The following SOX6 variants were observed in gnomAD, a reference collection of about 807,000 sequenced individuals.
The protein encoded by SOX6 is transcription factor SOX-6.
SOX6 carries 11 observed loss-of-function variants against 97.8 expected under a neutral mutation model. The ratio of observed to expected loss-of-function variants is 0.11; its 90% CI spans 0.07 to 0.19. The LOEUF (loss-of-function observed/expected upper bound fraction) is 0.19. SOX6 is among the 10% of genes least tolerant of loss of function. The pLI is 1.00. For synonymous variants in SOX6, 360 were observed against 371.4 expected (o/e 0.97, Z 0.35); for missense variants, 810 against 1,039.5 (o/e 0.78, Z 3.04).
chr11:16,140,046 C>T (rs996861854), intron 6 of SOX6, among the ~76,000 whole-genome samples: 1 of 151,034 alleles, frequency 6.6e-6, no homozygotes, highest in African/African-American at 2.4e-5. Context: ...TGTATATGCA[C>T]ACACACATAC....
intron 3 of SOX6, among the ~76,000 whole-genome samples, chr11:16,709,193 C>T (rs903440077): frequency 2.6e-5 from 4 of 152,070 alleles, no homozygotes; most frequent in Non-Finnish European, 5.9e-5. Context: ...CTCATGATAG[C>T]GAGTTCTCAT....
chr11:16,439,533 A>C (rs1050929585), intron 1 of SOX6, among the ~76,000 whole-genome samples: 2 of 152,202 alleles, frequency 1.3e-5, no homozygotes, highest in African/African-American at 4.8e-5. Context: ...TCCTCTAAAG[A>C]ATACTATATA....
At chr11:16,362,815 C>T (rs918356632) in intron 1 of SOX6, among the ~76,000 whole-genome samples, 1 of 152,106 alleles carries the variant, frequency 6.6e-6, no homozygotes, top group Non-Finnish European at 1.5e-5. Flanking sequence ...AGAACCAGAA[C>T]ATAGAATTTT....
chr11:16,401,136 A>G (rs1858547227), intron 1 of SOX6, among the ~76,000 whole-genome samples: 1 of 151,572 alleles, frequency 6.6e-6, no homozygotes, highest in African/African-American at 2.4e-5. Context: ...AAATACAAAA[A>G]CTAGGAAAAA....
chr11:16,402,289 G>T (rs1371963511), intron 1 of SOX6, among the ~76,000 whole-genome samples: 2 of 151,592 alleles, frequency 1.3e-5, no homozygotes, highest in African/African-American at 2.4e-5. Context: ...TTCAGTGATG[G>T]AACTCATAGA....
chr11:16,422,814 T>C (rs2133066653), intron 1 of SOX6, among the ~76,000 whole-genome samples: 1 of 152,256 alleles, frequency 6.6e-6, no homozygotes, highest in South Asian at 2.1e-4. Flanking sequence ...TCAAAAAACC[T>C]TTATTTTTTT....
At chr11:16,033,566 G>A (rs992825065) in intron 12 of SOX6, among the ~76,000 whole-genome samples, 1 of 152,104 alleles carries the variant, frequency 6.6e-6, no homozygotes, top group African/African-American at 2.4e-5. Flanking sequence ...CCTTGAAGGA[G>A]TATTATTAAG....
intron 1 of SOX6, among the ~76,000 whole-genome samples, chr11:16,448,603 T>C (rs1316628746): frequency 1.3e-5 from 2 of 152,322 alleles, no homozygotes; most frequent in East Asian, 1.9e-4. Flanking sequence ...TCTTAATAGA[T>C]ATAATGTAAT....
At chr11:16,256,381 G>T (rs1375845123) in intron 3 of SOX6, among the ~76,000 whole-genome samples, 2 of 151,922 alleles carry the variant, frequency 1.3e-5, no homozygotes, top group Non-Finnish European at 2.9e-5. Flanking sequence ...TCCCAGTTAT[G>T]CTAGGCTGGC....
At chr11:16,617,486 C>T (rs1035632085) in intron 3 of SOX6, among the ~76,000 whole-genome samples, 1 of 151,824 alleles carries the variant, frequency 6.6e-6, no homozygotes, top group Non-Finnish European at 1.5e-5. Flanking sequence ...TAACTATGTT[C>T]ACTAGAATTA....
intron 3 of SOX6, among the ~76,000 whole-genome samples, chr11:16,694,169 A>G (rs1429934883): frequency 1.3e-5 from 2 of 152,236 alleles, no homozygotes; most frequent in Non-Finnish European, 2.9e-5. Context: ...ACAAGGATTT[A>G]GTATGTAAGG....
intron 3 of SOX6, among the ~76,000 whole-genome samples, chr11:16,634,709 G>A (rs1848759001): frequency 6.6e-6 from 1 of 151,948 alleles, no homozygotes; most frequent in Non-Finnish European, 1.5e-5. Flanking sequence ...GTTTTCCATT[G>A]TAATGTTTAA....
At chr11:16,112,607 A>G (rs1052252534) in intron 6 of SOX6, among the ~76,000 whole-genome samples, 1 of 152,206 alleles carries the variant, frequency 6.6e-6, no homozygotes, top group Non-Finnish European at 1.5e-5. Flanking sequence ...ACATTTCATA[A>G]TAAATCCTAC....
intron 1 of SOX6, among the ~76,000 whole-genome samples, chr11:16,402,289 G>A (rs1371963511): frequency 7.7e-4 from 116 of 151,592 alleles, no homozygotes; most frequent in Non-Finnish European, 1.0e-4. Flanking sequence ...TTCAGTGATG[G>A]AACTCATAGA....
chr11:16,487,077 G>C (rs1860447551), intron 4 of SOX6, among the ~76,000 whole-genome samples: 1 of 151,968 alleles, frequency 6.6e-6, no homozygotes, highest in South Asian at 2.1e-4. Context: ...CTAAATGTGG[G>C]CATGCTCACA....
intron 3 of SOX6, among the ~76,000 whole-genome samples, chr11:16,662,699 C>CT (rs1176375266): frequency 6.6e-6 from 1 of 152,132 alleles, no homozygotes. Context: ...TTTTAAAAAA[C>CT]TTTTTTTCTT....
At chr11:16,423,708 A>C (rs932806398) in intron 1 of SOX6, among the ~76,000 whole-genome samples, 3 of 152,150 alleles carry the variant, frequency 2.0e-5, no homozygotes, top group Non-Finnish European at 4.4e-5. Context: ...TCCAGGTAAA[A>C]ATATAGAGTT....
At chr11:16,400,834 T>G (rs1334528760) in intron 1 of SOX6, among the ~76,000 whole-genome samples, 1 of 151,518 alleles carries the variant, frequency 6.6e-6, no homozygotes, top group Non-Finnish European at 1.5e-5. Context: ...GAAGTAAATT[T>G]CATTATGAAA....
intron 4 of SOX6, among the ~76,000 whole-genome samples, chr11:16,554,766 G>C (rs923716628): frequency 1.3e-5 from 2 of 151,964 alleles, no homozygotes; most frequent in Admixed American, 6.6e-5. Flanking sequence ...AAGGAGGTCA[G>C]TCTGAACTGT....
Sources: allele counts gnomAD v4.1 joint callset (sites outside exome capture counted in the v4.1 genomes callset), GRCh38; gene constraint gnomAD v4.1.1; transcripts MANE v1.5; gene names NCBI Gene and HGNC (gene_info 2026-07-23, HGNC 2026-07-21).